MSRB1: variants seen among roughly 807,000 people sequenced by gnomAD.
MSRB1 encodes the protein methionine sulfoxide reductase B1, also known as methionine-R-sulfoxide reductase B1.
MSRB1 carries 13 observed loss-of-function variants against 15.2 expected under a neutral mutation model. The observed-to-expected ratio is 0.86, with a 90% CI of 0.56 to 1.36. The LOEUF is 1.36. Among genes scored for constraint, MSRB1 ranks in the 40% most tolerant of loss-of-function variants. MSRB1 has a pLI of 0.00. For synonymous variants in MSRB1, 68 were observed against 64.5 expected (o/e 1.05, Z -0.26); for missense variants, 174 against 155.9 (o/e 1.12, Z -0.62).
Position 1,941,300 on chromosome 16 carries a change from C to T in MSRB1, c.161G>A (p.Ser54Asn). The change falls in exon 2 of 4, where the codon AGC (serine) becomes AAC (asparagine). Residue 54 changes from serine to asparagine, a missense_variant. Physicochemically the swap from Ser to Asn is conservative, Grantham distance 46. Transcript: ENST00000361871. ...ATTGTGCTCCGGACGCTTGGCCACG[C>T]TGTCGGCGTGAATGGTCTCGGTGAA... ...PAFTETIHAD[S>N]VAKRPEHNRS... 1 of 1,613,800 alleles carries T rather than the reference C, an allele frequency of 6.2e-7. No individual in the cohort carries two copies. The highest frequency in any genetic ancestry group is 8.5e-7 in the Non-Finnish European group (1 of 1,180,000).
chr16:1,940,945 G>C, intron 2 of MSRB1, 53 bp from the exon 3 acceptor site: 1 of 1,611,922 alleles, frequency 6.2e-7, no homozygotes, highest in African/African-American at 1.3e-5. Flanking sequence ...TACAGCCACA[G>C]TGAAGGCCCT....
Position 1,941,245 on chromosome 16 carries a change from G to C in MSRB1, c.204+12C>G, listed in dbSNP as rs1273433333. ...CCGCCCCCGTCCCTCCCCCACCCCT[G>C]TGGCCTCTCACCTTCAAGGCTTCAG... On this transcript the variant is annotated intron_variant, in intron 2 of 3. Coordinates refer to ENST00000361871, the MANE Select transcript of MSRB1 (RefSeq NM_016332.4). The C allele has an allele frequency of 6.2e-7, 1 of 1,613,234 alleles. No homozygotes were observed. The highest frequency in any genetic ancestry group is 1.7e-5 in the Admixed American group (1 of 59,940).
intron 3 of MSRB1, among the ~76,000 whole-genome samples, chr16:1,939,396 C>G (rs570319244): frequency 7.2e-5 from 11 of 152,250 alleles, no homozygotes; most frequent in Admixed American, 7.2e-4. Context: ...ACAGGAGAAC[C>G]CAGAATCTCT....
chr16:1,939,107 C>A lies in MSRB1; in HGVS notation c.*5G>T, dbSNP rs2999971. On this transcript the variant is annotated 3_prime_UTR_variant, in exon 4 of 4. Coordinates refer to ENST00000361871, the MANE Select transcript of MSRB1 (RefSeq NM_016332.4). ...GGCCGTCTGGGGTGGGTGTGGGCTG[C>A]CCGCCTAGTGACCCTGGGAGGCAGA... 6.2e-7 allele frequency: 1 copy of A among 1,612,162 alleles called. No homozygotes were observed. Among genetic ancestry groups the A allele is most frequent in the South Asian group, 1.1e-5 (1 of 91,012 alleles).
chr16:1,939,335 C>T (rs1392018739), intron 3 of MSRB1, among the ~76,000 whole-genome samples, 192 bp from the exon 4 acceptor site: 1 of 152,198 alleles, frequency 6.6e-6, no homozygotes, highest in Non-Finnish European at 1.5e-5. Context: ...GCTGAAAAGA[C>T]CAGATGCCCG....
chr16:1,941,645 C>T (rs1299918385), intron 1 of MSRB1: 9 of 579,942 alleles, frequency 1.6e-5, no homozygotes, highest in African/African-American at 5.6e-5. Flanking sequence ...AGCCCCGTGA[C>T]GGGGCATATC....
In MSRB1 at chr16:1,941,088, C is replaced by G. The variant is rs1567306542; in HGVS notation, c.204+169G>C. 3.2e-6 allele frequency: 5 copies of G among 1,551,188 alleles called. No individual in the cohort carries two copies. In the African/African-American group the frequency reaches 4.1e-5, roughly 13 times the overall value. On this transcript the variant is annotated intron_variant, in intron 2 of 3. Transcript: ENST00000361871. ...GTTTCCCACATTTGCACCAGAAGGC[C>G]AGGCTCTCCCGATAGCCTGGGGTGG...
intron 2 of MSRB1, 103 bp from the exon 3 acceptor site, chr16:1,940,995 T>G (rs1439072073): frequency 2.5e-6 from 4 of 1,569,912 alleles, no homozygotes; most frequent in Non-Finnish European, 3.5e-6. Flanking sequence ...CACACGCCTA[T>G]TTCCCAAGCT....
At chr16:1,939,215 G>A in intron 3 of MSRB1, 72 bp from the exon 4 acceptor site, 1 of 1,523,942 alleles carries the variant, frequency 6.6e-7, no homozygotes, top group Non-Finnish European at 8.9e-7. Context: ...CCGGGCGCGG[G>A]GGCGGTGGAA....
chr16:1,942,669 G>C (rs778645681), intron 1 of MSRB1, among the ~76,000 whole-genome samples: 2 of 152,268 alleles, frequency 1.3e-5, no homozygotes, highest in Non-Finnish European at 2.9e-5. Context: ...TAACACCTGC[G>C]GGATGACCCG....
chr16:1,939,031 C>T lies in MSRB1; in HGVS notation c.*81G>A. 1.9e-6 allele frequency: 3 copies of T among 1,555,910 alleles called. No individual in the cohort carries two copies. Among genetic ancestry groups the T allele is most frequent in the South Asian group, 2.3e-5 (2 of 88,170 alleles). ...GCGCCCTGCCTTCCTGTCTCGACGC[C>T]CAGGGTTCCAACTCCAAGGTGGAAT... is the stretch of plus-strand genomic sequence containing the variant. On this transcript the variant is annotated 3_prime_UTR_variant, in exon 4 of 4. Coordinates refer to ENST00000361871, the MANE Select transcript of MSRB1 (RefSeq NM_016332.4).
At position 1,939,023 on chromosome 16, in the gene MSRB1, C is replaced by G. The variant is rs2083057157; in HGVS notation, c.*89G>C. The G allele has an allele frequency of 6.6e-7, 1 of 1,525,392 alleles. No individual in the cohort carries two copies. The highest frequency in any genetic ancestry group is 1.2e-5 in the South Asian group (1 of 86,800). 94.5% of individuals were successfully genotyped at this position (1,525,392 alleles called of 1,614,324 possible). A position where few individuals can be genotyped will look rare whatever the true frequency, so the allele number is the denominator to read the frequency against. Reference sequence around the variant, plus strand: ...CAACCACTGCGCCCTGCCTTCCTGTCTCGACGCCCAGGGTTCCAACTCCAA... The same window carrying G: ...CAACCACTGCGCCCTGCCTTCCTGTGTCGACGCCCAGGGTTCCAACTCCAA... On this transcript the variant is annotated 3_prime_UTR_variant, in exon 4 of 4. Coordinates refer to ENST00000361871, the MANE Select transcript of MSRB1 (RefSeq NM_016332.4).
Position 1,939,143 on chromosome 16 carries a change from C to A in MSRB1, c.320G>T (p.Gly107Val). 1.2e-6 allele frequency: 2 copies of A among 1,605,272 alleles called. No homozygotes were observed. The highest frequency in any genetic ancestry group is 1.7e-6 in the Non-Finnish European group (2 of 1,177,184). Residue 107 changes from glycine (G) to valine (V), a missense_variant and splice_region_variant, in exon 4 of 4, where the codon GGC (glycine) becomes GTC (valine). Coordinates refer to ENST00000361871, the MANE Select transcript of MSRB1 (RefSeq NM_016332.4). ...ACCCTGGGAGGCAGAAGTTTCTTTGCCTGAAAGAGAGGAGAGGGGGCGGAA... is the reference window on the plus strand; with the variant it reads ...ACCCTGGGAGGCAGAAGTTTCTTTGACTGAAAGAGAGGAGAGGGGGCGGAA... ...FSSSLKFVPK[G>V]KETSASQGH
chr16:1,941,184 G>T, intron 2 of MSRB1, 73 bp downstream of exon 2: 1 of 1,592,196 alleles, frequency 6.3e-7, no homozygotes, highest in Non-Finnish European at 8.6e-7. Context: ...GGCAAGCAGA[G>T]GGAGGAAGGT....
chr16:1,942,074 C>T (rs117558572), intron 1 of MSRB1: 3 of 152,290 alleles, frequency 2.0e-5, no homozygotes, highest in Non-Finnish European at 4.4e-5. Flanking sequence ...AAACAGGAAC[C>T]TCCAGGGGTG....
intron 3 of MSRB1, among the ~76,000 whole-genome samples, chr16:1,939,455 A>G (rs2083061214): frequency 6.6e-6 from 1 of 152,100 alleles, no homozygotes; most frequent in African/African-American, 2.4e-5. Context: ...GGACGAAAAC[A>G]TCGCAGGTTT....
Position 1,939,143 on chromosome 16 carries a change from C to T in MSRB1, c.320G>A (p.Gly107Asp). ...FSSSLKFVPKGKETSASQGH is the reference protein window; with the variant it reads ...FSSSLKFVPKDKETSASQGH The stretch of plus-strand genomic sequence containing the variant: ...ACCCTGGGAGGCAGAAGTTTCTTTG[C>T]CTGAAAGAGAGGAGAGGGGGCGGAA... Residue 107 changes from glycine to aspartate, a missense_variant and splice_region_variant, in exon 4 of 4, where the codon GGC becomes GAC. Gly to Asp is a moderately conservative substitution (Grantham distance 94). Transcript: ENST00000361871. 1 of 1,605,272 alleles carries T rather than the reference C, an allele frequency of 6.2e-7. No individual in the cohort carries two copies. Among genetic ancestry groups the T allele is most frequent in the East Asian group, 2.3e-5 (1 of 44,196 alleles).
chr16:1,938,395 G>A lies in MSRB1; in HGVS notation c.*717C>T, dbSNP rs1177945919. On this transcript the variant is annotated 3_prime_UTR_variant, in exon 4 of 4. Coordinates refer to ENST00000361871, the MANE Select transcript of MSRB1 (RefSeq NM_016332.4). ...ACACCTTGGGAAGGGCCTCCCTGCAGGTGTGCACTGCAGGCCTCAGCCCTG... is the reference window on the plus strand; with the variant it reads ...ACACCTTGGGAAGGGCCTCCCTGCAAGTGTGCACTGCAGGCCTCAGCCCTG... The A allele has an allele frequency of 6.6e-6, 1 of 152,628 alleles. No homozygotes were observed. Among genetic ancestry groups the A allele is most frequent in the Non-Finnish European group, 1.5e-5 (1 of 68,284 alleles). 9.5% of individuals were successfully genotyped at this position (152,628 alleles called of 1,614,324 possible).
chr16:1,943,069 G>A (rs1318720543), intron 1 of MSRB1, 33 bp downstream of exon 1: 4 of 1,549,414 alleles, frequency 2.6e-6, no homozygotes, highest in East Asian at 4.9e-5. Context: ...CCCCCGCCGC[G>A]CTGCCCTCCC....
Sources: gnomAD v4.1 joint callset for allele counts (sites outside exome capture counted in the v4.1 genomes callset) on GRCh38, gnomAD v4.1.1 for gene constraint, MANE v1.5 for transcripts, NCBI Gene and HGNC (gene_info 2026-07-23, HGNC 2026-07-21) for gene names.